The following NPHP1 variants were observed in gnomAD, a reference collection of about 807,000 sequenced individuals.
The protein encoded by NPHP1 is nephrocystin-1.
A neutral mutation model predicts 90.4 loss-of-function variants in NPHP1; 70 were observed. The ratio of observed to expected loss-of-function variants is 0.77; its 90% CI spans 0.64 to 0.95. The LOEUF (loss-of-function observed/expected upper bound fraction) is 0.95. NPHP1 is among the 40% of genes least tolerant of loss of function. NPHP1 has a pLI of 0.00. For missense variants in NPHP1, 764 were observed against 795.9 expected (o/e 0.96, Z 0.48); for synonymous variants, 256 against 271.7 (o/e 0.94, Z 0.57).
intron 2 of NPHP1, among the ~76,000 whole-genome samples, chr2:110,193,151 T>G (rs1226718014): frequency 6.6e-6 from 1 of 152,078 alleles, no homozygotes; most frequent in Non-Finnish European, 1.5e-5. Context: ...AATTCACACA[T>G]GACAATATTA....
intron 2 of NPHP1, among the ~76,000 whole-genome samples, chr2:110,183,454 T>C (rs1407746419): frequency 6.6e-6 from 1 of 152,186 alleles, no homozygotes; most frequent in African/African-American, 2.4e-5. Context: ...CTATAATCTA[T>C]AGAAACAATA....
intron 2 of NPHP1, chr2:110,184,729 A>G: frequency 2.8e-6 from 2 of 718,752 alleles, no homozygotes; most frequent in South Asian, 2.8e-5. Flanking sequence ...AGGCCATAAA[A>G]GAAAGACCCT....
intron 2 of NPHP1, among the ~76,000 whole-genome samples, chr2:110,180,086 T>C (rs995990384): frequency 6.6e-6 from 1 of 152,144 alleles, no homozygotes; most frequent in Admixed American, 6.5e-5. Flanking sequence ...ATTACCTCAT[T>C]TAAGCCTCAT....
Position 110,126,089 on chromosome 2 carries a change from A to G in NPHP1, c.1717-408T>C, listed in dbSNP as rs568819618. The G allele has an allele frequency of 7.3e-5, 19 of 261,338 alleles. No individual in the cohort carries two copies. The South Asian group carries it at 8.8e-4, about 12-fold the overall frequency. The allele number at this position is 261,338 out of a possible 1,614,324, so 16.2% of individuals were successfully genotyped here. A position where few individuals can be genotyped will look rare whatever the true frequency, so the allele number is the denominator to read the frequency against. ...CAATTCTCTCTGTCATGATGATGAC[A>G]ATGGTCAGAATGAGACAGACTGAAG... On this transcript the variant is annotated intron_variant, in intron 18 of 19. Transcript: ENST00000445609.
At chr2:110,132,450 T>C (rs929011944) in intron 16 of NPHP1, among the ~76,000 whole-genome samples, 4 of 151,248 alleles carry the variant, frequency 2.6e-5, no homozygotes, top group African/African-American at 9.7e-5. Context: ...AGGTCAGGAG[T>C]TTGAGACCAG....
chr2:110,181,914 A>G (rs1247276876), intron 2 of NPHP1, among the ~76,000 whole-genome samples: 1 of 152,220 alleles, frequency 6.6e-6, no homozygotes, highest in African/African-American at 2.4e-5. Flanking sequence ...AGGAGCTGAT[A>G]GCCAGAACAG....
intron 16 of NPHP1, among the ~76,000 whole-genome samples, chr2:110,139,891 A>G (rs1283464744): frequency 1.3e-5 from 2 of 152,164 alleles, no homozygotes; most frequent in East Asian, 3.9e-4. Flanking sequence ...GTTTCGGGTC[A>G]GGGGAGGAGA....
rs755734509 is a variant in NPHP1, at chr2:110,201,538, G to A, written c.70-44C>T. ...ATATCACATTATTAAATACCATATC[G>A]CCTTAGGAAAGAAAACTTCTTTTTT... On this transcript the variant is annotated intron_variant, in intron 1 of 19. Coordinates refer to ENST00000445609, the MANE Select transcript of NPHP1 (RefSeq NM_001128178.3). The A allele has an allele frequency of 4.3e-5, 58 of 1,351,592 alleles. 1 individual carries two copies. In the African/African-American group the frequency reaches 4.8e-4, roughly 11 times the overall value. 83.7% of individuals were successfully genotyped at this position (1,351,592 alleles called of 1,614,324 possible). A position where few individuals can be genotyped will look rare whatever the true frequency, so the allele number is the denominator to read the frequency against.
chr2:110,165,426 A>C (rs1015224393), intron 6 of NPHP1, among the ~76,000 whole-genome samples: 1 of 152,150 alleles, frequency 6.6e-6, no homozygotes, highest in Non-Finnish European at 1.5e-5. Flanking sequence ...TGAGATAGAC[A>C]GCAAGTTTAA....
At chr2:110,168,377 G>T in intron 6 of NPHP1, 75 bp downstream of exon 6, 1 of 935,294 alleles carries the variant, frequency 1.1e-6, no homozygotes, top group Non-Finnish European at 1.7e-6. Context: ...ACTGACAAAA[G>T]AACACAGCTA....
At chr2:110,135,169 C>G (rs1680076189) in intron 16 of NPHP1, among the ~76,000 whole-genome samples, 1 of 151,814 alleles carries the variant, frequency 6.6e-6, no homozygotes, top group African/African-American at 2.4e-5. Context: ...AGGAAACCAA[C>G]AAAACAATTT....
At chr2:110,138,316 T>TA (rs147685347) in intron 16 of NPHP1, among the ~76,000 whole-genome samples, 17 of 147,688 alleles carry the variant, frequency 1.2e-4, no homozygotes, top group African/African-American at 3.7e-4. Flanking sequence ...AAACTTATAA[T>TA]AAAAAAAAAA....
chr2:110,198,803 C>CAG (rs397703327), intron 2 of NPHP1, among the ~76,000 whole-genome samples: 1 of 148,862 alleles, frequency 6.7e-6, no homozygotes, highest in Non-Finnish European at 1.5e-5. Context: ...GGACCCCTCT[C>CAG]TATCTAACAG....
intron 2 of NPHP1, among the ~76,000 whole-genome samples, chr2:110,180,195 T>C (rs1365643609): frequency 6.6e-6 from 1 of 152,080 alleles, no homozygotes. Flanking sequence ...AGCAACAATA[T>C]GAAGGCAGTT....
chr2:110,168,079 A>G (rs1379847795), intron 6 of NPHP1, among the ~76,000 whole-genome samples: 2 of 152,216 alleles, frequency 1.3e-5, no homozygotes, highest in Non-Finnish European at 2.9e-5. Context: ...TACAAGCTAC[A>G]AACACACATG....
chr2:110,150,580 C>T (rs1422810740), intron 11 of NPHP1, among the ~76,000 whole-genome samples: 1 of 151,870 alleles, frequency 6.6e-6, no homozygotes, highest in Non-Finnish European at 1.5e-5. Context: ...GAAGGAGTCT[C>T]GCTCTGTCGC....
At chr2:110,161,754 A>G in intron 9 of NPHP1, 57 bp from the exon 10 acceptor site, 2 of 1,292,500 alleles carry the variant, frequency 1.5e-6, no homozygotes, top group East Asian at 2.4e-5. Context: ...CAAATCAAAA[A>G]TCCATAATGT....
Position 110,123,695 on chromosome 2 carries a change from A to C in NPHP1, c.*96T>G. Reference sequence around the variant, plus strand: ...AAGAAAAGAGTAAAACCTAAGTTGTAAAGTGACAGTGATTTTTGGTTCCAT... The same window carrying C: ...AAGAAAAGAGTAAAACCTAAGTTGTCAAGTGACAGTGATTTTTGGTTCCAT... On this transcript the variant is annotated 3_prime_UTR_variant, in exon 20 of 20. Transcript: ENST00000445609. 1.6e-6 allele frequency: 2 copies of C among 1,252,804 alleles called. No homozygotes were observed. The highest frequency in any genetic ancestry group is 3.5e-5 in the Admixed American group (2 of 56,884). The allele number at this position is 1,252,804 out of a possible 1,614,324, so 77.6% of individuals were successfully genotyped here.
At position 110,201,490 on chromosome 2, in the gene NPHP1, T is replaced by G; in HGVS notation, c.74A>C (p.Asp25Ala). ...RRNQELKQQV[D>A]SLLSESQLKE... ...CAGTTGGCTCTCAGAAAGCAAACTA[T>G]CAACCTATGGAGACCATTTAAAATA... The change falls in exon 2 of 20, where the codon GAT becomes GCT. Residue 25 changes from aspartate to alanine, a missense_variant. Physicochemically the swap from Asp to Ala is moderately radical, Grantham distance 126. Transcript: ENST00000445609. 6.2e-7 allele frequency: 1 copy of G among 1,606,640 alleles called. No individual in the cohort carries two copies. The highest frequency in any genetic ancestry group is 8.5e-7 in the Non-Finnish European group (1 of 1,174,598).
Sources: gnomAD v4.1 joint callset for allele counts (sites outside exome capture counted in the v4.1 genomes callset) on GRCh38, gnomAD v4.1.1 for gene constraint, MANE v1.5 for transcripts, NCBI Gene and HGNC (gene_info 2026-07-23, HGNC 2026-07-21) for gene names.